RAB39A: variants seen among roughly 807,000 people sequenced by gnomAD.
RAB39A encodes RAB39A, member RAS oncogene family, also known as ras-related protein Rab-39A.
Under a neutral mutation model 20.9 loss-of-function variants are expected in RAB39A, and 17 were observed. The ratio of observed to expected loss-of-function variants is 0.81; its 90% CI spans 0.56 to 1.22. The LOEUF (loss-of-function observed/expected upper bound fraction) is 1.22. Ranked by LOEUF, RAB39A falls within the 50% of genes most tolerant of loss-of-function variation. The pLI is 0.00. For synonymous variants in RAB39A, 99 were observed against 103.4 expected (o/e 0.96, Z 0.26); for missense variants, 234 against 270.5 (o/e 0.87, Z 0.95).
Position 107,933,311 on chromosome 11 carries a change from ATATGTGTGTGTG to A in RAB39A, c.227+4518_227+4529del, listed in dbSNP as rs745480155. ...CTTTCCTGTGATTCTTTATATATAT[ATATGTGTGTGTG>A]TGTGTGTGTGTGTGTGTGTGTGTGT... On this transcript the variant is annotated intron_variant, in intron 1 of 1. Transcript: ENST00000320578. Among the ~76,000 whole-genome samples, 59 of 52,010 alleles carry A rather than the reference ATATGTGTGTGTG, an allele frequency of 1.1e-3. 1 individual carries two copies. Among genetic ancestry groups the A allele is most frequent in the Admixed American group, 2.0e-3 (7 of 3,558 alleles). 34.1% of individuals were successfully genotyped at this position (52,010 alleles called of 152,430 possible).
chr11:107,939,397 G>A (rs1273656138), intron 1 of RAB39A, among the ~76,000 whole-genome samples: 1 of 151,102 alleles, frequency 6.6e-6, no homozygotes, highest in East Asian at 1.9e-4. Flanking sequence ...ACAAGGTCAG[G>A]AGATCGAGAC....
At chr11:107,946,155 C>A in intron 1 of RAB39A, among the ~76,000 whole-genome samples, 1 of 147,604 alleles carries the variant, frequency 6.8e-6, no homozygotes, top group African/African-American at 2.5e-5. Context: ...AACCTAGGGA[C>A]CAAAACAAAC....
chr11:107,961,523 T>C (rs960561825), intron 1 of RAB39A, among the ~76,000 whole-genome samples: 4 of 152,182 alleles, frequency 2.6e-5, no homozygotes, highest in African/African-American at 9.7e-5. Flanking sequence ...TTTCCTAAAC[T>C]GATAGAGAGA....
Position 107,933,377 on chromosome 11 carries a change from CTTTTTT to C in RAB39A, c.227+4598_227+4603del, listed in dbSNP as rs71047649. ...TTTCTTTCCTTCTTTTTTATTCTTT[CTTTTTT>C]TTTTTTTTTTTTTTTGAGTCAGAGT... On this transcript the variant is annotated intron_variant, in intron 1 of 1. Transcript: ENST00000320578. Among the ~76,000 whole-genome samples, 21 of 73,070 alleles carry C rather than the reference CTTTTTT, an allele frequency of 2.9e-4. 1 individual carries two copies. The highest frequency in any genetic ancestry group is 3.8e-4 in the African/African-American group (6 of 15,866). The allele number at this position is 73,070 out of a possible 152,430, so 47.9% of individuals were successfully genotyped here.
At position 107,939,262 on chromosome 11, in the gene RAB39A, A is replaced by G. The variant is rs865779911; in HGVS notation, c.227+10467A>G. Among the ~76,000 whole-genome samples, 260 of 147,024 alleles carry G rather than the reference A, an allele frequency of 1.8e-3. 2 individuals are homozygous for G. The highest frequency in any genetic ancestry group is 5.5e-3 in the African/African-American group (214 of 38,790). ...CTGTCTCAAAAAAAAAAAAAAAAAAAAGAGAGAGAGAAGTAGTTGAACAAC... is the reference window on the plus strand; with the variant it reads ...CTGTCTCAAAAAAAAAAAAAAAAAAGAGAGAGAGAGAAGTAGTTGAACAAC... On this transcript the variant is annotated intron_variant, in intron 1 of 1. Transcript: ENST00000320578.
Position 107,952,623 on chromosome 11 carries a change from T to C in RAB39A, c.228-9323T>C, listed in dbSNP as rs1414526789. ...AAGGCCAGGTGCTGTGACTCACACC[T>C]GTAATCCCAGCACTTTGGGAGGCCG... On this transcript the variant is annotated intron_variant, in intron 1 of 1. Coordinates refer to ENST00000320578, the MANE Select transcript of RAB39A (RefSeq NM_017516.3). Among the ~76,000 whole-genome samples, 4 of 152,204 alleles carry C rather than the reference T, an allele frequency of 2.6e-5. No individual in the cohort carries two copies. The East Asian group carries it at 5.8e-4, about 22-fold the overall frequency.
chr11:107,928,780 G>T lies in RAB39A; in HGVS notation c.212G>T (p.Gly71Val). 6.3e-7 allele frequency: 1 copy of T among 1,583,936 alleles called. No homozygotes were observed. Among genetic ancestry groups the T allele is most frequent in the Non-Finnish European group, 8.6e-7 (1 of 1,162,932 alleles). ...AAGCTACAGCTCTGGGACACGGCGGGACAGGAGCGGTTCAGGTAGGGACCC... is the reference window on the plus strand; with the variant it reads ...AAGCTACAGCTCTGGGACACGGCGGTACAGGAGCGGTTCAGGTAGGGACCC... ...RIKLQLWDTA[G>V]QERFRSITRS... The change falls in exon 1 of 2, where the codon GGA (glycine) becomes GTA (valine). Residue 71 changes from glycine to valine, a missense_variant. Physicochemically the swap from Gly to Val is moderately radical, Grantham distance 109. Coordinates refer to ENST00000320578, the MANE Select transcript of RAB39A (RefSeq NM_017516.3). This position sits in a 1 kb window ranked among gnomAD's most constrained non-coding sequence, Gnocchi z 4.9.
In RAB39A at chr11:107,933,311, ATATGTG is replaced by A. The variant is rs1251486250; in HGVS notation, c.227+4518_227+4523del. 2.2e-3 allele frequency among the ~76,000 whole-genome samples: 115 copies of A among 52,006 alleles called. 2 individuals are homozygous for A. The highest frequency in any genetic ancestry group is 6.0e-3 in the African/African-American group (89 of 14,816). 34.1% of individuals were successfully genotyped at this position (52,006 alleles called of 152,430 possible). ...CTTTCCTGTGATTCTTTATATATAT[ATATGTG>A]TGTGTGTGTGTGTGTGTGTGTGTGT... On this transcript the variant is annotated intron_variant, in intron 1 of 1. Coordinates refer to ENST00000320578, the MANE Select transcript of RAB39A (RefSeq NM_017516.3).
At chr11:107,958,841 C>T (rs923794920) in intron 1 of RAB39A, among the ~76,000 whole-genome samples, 4 of 151,774 alleles carry the variant, frequency 2.6e-5, no homozygotes, top group South Asian at 4.2e-4. Context: ...ATTTCCTGGC[C>T]GGGCGCGGTG....
intron 1 of RAB39A, among the ~76,000 whole-genome samples, chr11:107,943,843 C>A (rs1861283208): frequency 6.6e-6 from 1 of 151,956 alleles, no homozygotes; most frequent in Non-Finnish European, 1.5e-5. Context: ...GCCTGTAATC[C>A]CAGCCCTTTG....
At chr11:107,946,946 C>T (rs761334059) in intron 1 of RAB39A, among the ~76,000 whole-genome samples, 26 of 151,780 alleles carry the variant, frequency 1.7e-4, no homozygotes, top group African/African-American at 2.4e-4. Context: ...ATTAGCCAGA[C>T]GTGCTCGCTT....
chr11:107,942,647 C>A (rs866251353), intron 1 of RAB39A, among the ~76,000 whole-genome samples: 1 of 152,112 alleles, frequency 6.6e-6, no homozygotes, highest in Non-Finnish European at 1.5e-5. Context: ...TAATTAATGT[C>A]CATAGAGGCT....
intron 1 of RAB39A, among the ~76,000 whole-genome samples, chr11:107,935,884 C>T (rs1209728968): frequency 6.8e-6 from 1 of 146,926 alleles, no homozygotes; most frequent in Admixed American, 7.0e-5. Context: ...GAACGCAGCC[C>T]AGCAAGTCCT....
At chr11:107,938,564 TAAAAAAA>T (rs5794580) in intron 1 of RAB39A, among the ~76,000 whole-genome samples, 1 of 95,246 alleles carries the variant, frequency 1.0e-5, no homozygotes, top group African/African-American at 4.2e-5. Flanking sequence ...ACCTCGTCTA[TAAAAAAA>T]AAAAAAAAAA....
At chr11:107,931,364 G>A (rs1446785564) in intron 1 of RAB39A, among the ~76,000 whole-genome samples, 5 of 152,100 alleles carry the variant, frequency 3.3e-5, no homozygotes, top group Admixed American at 6.6e-5. Context: ...AGTAACTCTC[G>A]CATTATAATG....
intron 1 of RAB39A, among the ~76,000 whole-genome samples, chr11:107,929,971 A>G (rs1460341286): frequency 6.6e-6 from 1 of 152,172 alleles, no homozygotes; most frequent in Non-Finnish European, 1.5e-5. Context: ...CTTCCCAAAC[A>G]TGGCTTCCCC....
chr11:107,937,764 C>G (rs1417156555), intron 1 of RAB39A, among the ~76,000 whole-genome samples: 1 of 152,120 alleles, frequency 6.6e-6, no homozygotes, highest in African/African-American at 2.4e-5. Flanking sequence ...TTTCCCTTCT[C>G]CAACTCTGTT....
chr11:107,928,480 G>A lies in RAB39A; in HGVS notation c.-89G>A. On this transcript the variant is annotated 5_prime_UTR_variant, in exon 1 of 2. Coordinates refer to ENST00000320578, the MANE Select transcript of RAB39A (RefSeq NM_017516.3). This position sits in a 1 kb window ranked among gnomAD's most constrained non-coding sequence, Gnocchi z 4.9. ...GGAATATGCTGGAAGGCGGCGGGCG[G>A]GCGCCCGCGAGGTGCTGAAAGGACA... The A allele has an allele frequency of 1.0e-6, 1 of 999,184 alleles. No individual in the cohort carries two copies. Among genetic ancestry groups the A allele is most frequent in the Non-Finnish European group, 1.3e-6 (1 of 747,334 alleles). The allele number at this position is 999,184 out of a possible 1,614,324, so 61.9% of individuals were successfully genotyped here. A position where few individuals can be genotyped will look rare whatever the true frequency, so the allele number is the denominator to read the frequency against.
chr11:107,944,561 A>G (rs1049732749), intron 1 of RAB39A, among the ~76,000 whole-genome samples: 20 of 151,970 alleles, frequency 1.3e-4, no homozygotes, highest in Non-Finnish European at 2.5e-4. Flanking sequence ...TAATTTTTGT[A>G]TTTTTAGTAG....
Sources: allele counts gnomAD v4.1 joint callset (sites outside exome capture counted in the v4.1 genomes callset), GRCh38; gene constraint gnomAD v4.1.1; non-coding constraint Gnocchi (gnomAD v3.1); transcripts MANE v1.5; gene names NCBI Gene and HGNC (gene_info 2026-07-23, HGNC 2026-07-21).